Variants in CPA6 observed in about 807,000 individuals in gnomAD.
CPA6 encodes carboxypeptidase B.
CPA6 carries 58 observed loss-of-function variants against 63.3 expected under a neutral mutation model. The ratio of observed to expected loss-of-function variants is 0.92; its 90% confidence interval spans 0.74 to 1.14. CPA6 has a LOEUF of 1.14. Ranked by LOEUF, CPA6 falls within the 50% of genes most tolerant of loss-of-function variation. The pLI is 0.00. For missense variants in CPA6, 565 were observed against 526.6 expected, an observed-to-expected ratio of 1.07 and a Z score of -0.71; for synonymous variants, 185 against 179.0, an observed-to-expected ratio of 1.03 and a Z score of -0.27.
At chr8:67,438,981 T>A (rs1023349350) in intron 8 of CPA6, among the ~76,000 whole-genome samples, 3 of 151,502 alleles carry the variant, frequency 2.0e-5, no homozygotes, top group African/African-American at 7.3e-5. Flanking sequence ...TAGAAAGTAG[T>A]AAAGAAGGAA....
At chr8:67,448,504 C>T (rs1189992585) in intron 8 of CPA6, among the ~76,000 whole-genome samples, 11 of 150,910 alleles carry the variant, frequency 7.3e-5, no homozygotes, top group African/African-American at 1.2e-4. Flanking sequence ...TGGTGGTGTG[C>T]GCCTGTGGTC....
chr8:67,505,465 T>C (rs1260980972), intron 6 of CPA6, among the ~76,000 whole-genome samples: 1 of 152,216 alleles, frequency 6.6e-6, no homozygotes, highest in Non-Finnish European at 1.5e-5. Context: ...TCTTCAATAA[T>C]ATACATGACT....
chr8:67,532,317 C>T (rs1182689502), intron 2 of CPA6, among the ~76,000 whole-genome samples: 2 of 152,150 alleles, frequency 1.3e-5, no homozygotes, highest in East Asian at 3.9e-4. Context: ...AAGAAAGTGA[C>T]ATAAATGTAG....
chr8:67,636,804 A>G lies in CPA6; in HGVS notation c.117-12553T>C, dbSNP rs534956991. Among the ~76,000 whole-genome samples, 7 of 151,796 alleles carry G rather than the reference A, an allele frequency of 4.6e-5. 2 individuals are homozygous for G. The highest frequency in any genetic ancestry group is 1.5e-4 in the African/African-American group (6 of 41,058). ...AATCCATTAGGTAATTCCACCTAGA[A>G]AAATTAATGTTCACATGCAGATTCT... is the stretch of plus-strand genomic sequence containing the variant. On this transcript the variant is annotated intron_variant, in intron 1 of 10. Coordinates refer to ENST00000297770, the MANE Select transcript of CPA6 (RefSeq NM_020361.5).
chr8:67,616,889 G>A (rs535050104), intron 2 of CPA6, among the ~76,000 whole-genome samples: 1 of 152,248 alleles, frequency 6.6e-6, no homozygotes, highest in East Asian at 1.9e-4. Context: ...ATGCAAAGGA[G>A]GCAATGACAG....
intron 1 of CPA6, among the ~76,000 whole-genome samples, chr8:67,653,449 G>A (rs1815897496): frequency 6.6e-6 from 1 of 150,478 alleles, no homozygotes; most frequent in South Asian, 2.1e-4. Context: ...CCTTGAAGAG[G>A]TCCTTCACAT....
At chr8:67,626,113 C>T (rs1471654121) in intron 1 of CPA6, among the ~76,000 whole-genome samples, 1 of 152,182 alleles carries the variant, frequency 6.6e-6, no homozygotes, top group Admixed American at 6.5e-5. Flanking sequence ...TGAGGCCTCC[C>T]AGGCATGCAT....
intron 1 of CPA6, among the ~76,000 whole-genome samples, chr8:67,688,640 C>A (rs1257311072): frequency 6.6e-6 from 1 of 152,120 alleles, no homozygotes; most frequent in Non-Finnish European, 1.5e-5. Context: ...CAGAGAATGC[C>A]CCAATCTTAA....
chr8:67,484,847 G>A (rs939910794), intron 6 of CPA6, 58 bp from the exon 7 acceptor site: 10 of 909,172 alleles, frequency 1.1e-5, no homozygotes, highest in Non-Finnish European at 1.8e-5. Context: ...GGAAAAAAGA[G>A]TGTGAGATAT....
chr8:67,582,846 T>C (rs560250256), intron 2 of CPA6, among the ~76,000 whole-genome samples: 59 of 152,328 alleles, frequency 3.9e-4, no homozygotes, highest in East Asian at 1.2e-3. Context: ...CAAAACCTTC[T>C]CTTATTTATG....
At chr8:67,473,840 C>T (rs141511146) in intron 8 of CPA6, among the ~76,000 whole-genome samples, 1 of 152,136 alleles carries the variant, frequency 6.6e-6, no homozygotes, top group African/African-American at 2.4e-5. Context: ...ATCCCGGGCT[C>T]AGGTGATCTG....
chr8:67,475,805 C>CCTTTCT (rs1811174677), intron 8 of CPA6, among the ~76,000 whole-genome samples: 1 of 59,132 alleles, frequency 1.7e-5, no homozygotes, highest in Non-Finnish European at 3.4e-5. Context: ...TTCTTTCTTT[C>CCTTTCT]TTTCTTTCTT....
chr8:67,521,664 T>A (rs757916208), intron 2 of CPA6, among the ~76,000 whole-genome samples: 12 of 152,272 alleles, frequency 7.9e-5, no homozygotes, highest in Non-Finnish European at 1.5e-4. Flanking sequence ...AAGAACATGG[T>A]GAGATTGTGT....
chr8:67,533,178 C>T (rs1812514660), intron 2 of CPA6, among the ~76,000 whole-genome samples: 1 of 152,160 alleles, frequency 6.6e-6, no homozygotes, highest in South Asian at 2.1e-4. Context: ...GGACATTTTG[C>T]CCTCACAATC....
chr8:67,591,426 G>A (rs987396736), intron 2 of CPA6, among the ~76,000 whole-genome samples: 1 of 152,200 alleles, frequency 6.6e-6, no homozygotes, highest in African/African-American at 2.4e-5. Flanking sequence ...TGTGAAGACA[G>A]TCATTGGTAG....
At chr8:67,692,314 G>A (rs117204434) in intron 1 of CPA6, among the ~76,000 whole-genome samples, 2,893 of 122,514 alleles carry the variant, frequency 0.024, 44 homozygotes, top group Non-Finnish European at 0.033. Flanking sequence ...GGCAACAAGA[G>A]TGAAATCCTG....
intron 2 of CPA6, among the ~76,000 whole-genome samples, chr8:67,566,819 C>T (rs1813349025): frequency 6.6e-6 from 1 of 151,122 alleles, no homozygotes; most frequent in African/African-American, 2.4e-5. Flanking sequence ...TGAACTCTAA[C>T]CTCTTCAGGA....
chr8:67,509,531 G>T lies in CPA6; in HGVS notation c.520C>A (p.Leu174Ile), dbSNP rs1490222757. The T allele has an allele frequency of 1.3e-6, 2 of 1,541,012 alleles. No individual in the cohort carries two copies. Among genetic ancestry groups the T allele is most frequent in the South Asian group, 1.2e-5 (1 of 85,808 alleles). Residue 174 changes from leucine to isoleucine, a missense_variant, in exon 5 of 11, where the codon CTT (leucine) becomes ATT (isoleucine). Coordinates refer to ENST00000297770, the MANE Select transcript of CPA6 (RefSeq NM_020361.5). ...CTTATTTTTACCTTTAAAATAAAAA[G>T]AGATCTTCCCTCATATGATCTTCCA... The part of the protein sequence containing the change: ...SIGRSYEGRS[L>I]FILKLGRRSR...
At chr8:67,461,469 A>G (rs1048592732) in intron 8 of CPA6, among the ~76,000 whole-genome samples, 1 of 151,536 alleles carries the variant, frequency 6.6e-6, no homozygotes, top group Non-Finnish European at 1.5e-5. Context: ...TACTTTCTAC[A>G]CAGACACGGC....
Sources: gnomAD v4.1 joint callset for allele counts (sites outside exome capture counted in the v4.1 genomes callset) on GRCh38, gnomAD v4.1.1 for gene constraint, MANE v1.5 for transcripts, NCBI Gene and HGNC (gene_info 2026-07-23, HGNC 2026-07-21) for gene names.